ROBO1: variants seen among roughly 807,000 people sequenced by gnomAD.
The protein encoded by ROBO1 is roundabout guidance receptor 1.
A neutral mutation model predicts 195.9 loss-of-function variants in ROBO1; 149 were observed. The ratio of observed to expected loss-of-function variants is 0.76; its 90% CI spans 0.67 to 0.87. The LOEUF (loss-of-function observed/expected upper bound fraction) is 0.87, where lower values mean the gene tolerates loss of function less well. ROBO1 is among the 40% of genes least tolerant of loss of function. The pLI is 0.00. For missense variants in ROBO1, 1,933 were observed against 2,068.3 expected (o/e 0.93, Z 1.27); for synonymous variants, 816 against 733.2 (o/e 1.11, Z -1.82).
Position 78,606,794 on chromosome 3 carries a change from T to G in ROBO1, c.4683A>C (p.Lys1561Asn), listed in dbSNP as rs199657294. Residue 1561 changes from lysine (K) to asparagine (N), a missense_variant, in exon 29 of 31, where the codon AAA becomes AAC. Around this residue, in one of 3 missense-constraint regions of ROBO1, gnomAD observed 1,737 missense variants for 1,882.5 expected, o/e 0.92. Coordinates refer to ENST00000464233, the MANE Select transcript of ROBO1 (RefSeq NM_002941.4). ...GTTTTGCTGCCTTGTTTCCACGTCC[T>G]TTCCCGTCATTTTGCTGTTCCTGTG... is the stretch of plus-strand genomic sequence containing the variant. The part of the protein sequence containing the change: ...REAQEQQNDG[K>N]GRGNKAAKRD... 2.7e-4 allele frequency: 428 copies of G among 1,613,852 alleles called. 1 individual carries two copies. Among genetic ancestry groups the G allele is most frequent in the Non-Finnish European group, 3.5e-4 (416 of 1,179,894 alleles).
At chr3:78,883,023 G>T (rs184069670) in intron 4 of ROBO1, among the ~76,000 whole-genome samples, 2 of 151,894 alleles carry the variant, frequency 1.3e-5, no homozygotes, top group African/African-American at 4.8e-5. Flanking sequence ...ATGTTGGCCA[G>T]GCCGGTCTTG....
chr3:78,771,644 T>C (rs2083378306), intron 4 of ROBO1, among the ~76,000 whole-genome samples: 1 of 152,038 alleles, frequency 6.6e-6, no homozygotes, highest in South Asian at 2.1e-4. Flanking sequence ...GGTATTTTAT[T>C]TGTGTGTGTG....
chr3:79,490,895 T>C (rs938775840), intron 2 of ROBO1, among the ~76,000 whole-genome samples: 1 of 152,148 alleles, frequency 6.6e-6, no homozygotes, highest in Admixed American at 6.5e-5. Context: ...TATTTTTCAC[T>C]GTGACCTACT....
At position 79,701,721 on chromosome 3, in the gene ROBO1, T is replaced by C. The variant is rs1947626824; in HGVS notation, c.-51+66031A>G. Among the ~76,000 whole-genome samples the C allele has an allele frequency of 2.6e-5, 4 of 151,744 alleles. No individual in the cohort carries two copies. The Admixed American group carries it at 2.6e-4, about 10-fold the overall frequency. On this transcript the variant is annotated intron_variant, in intron 1 of 30. Transcript: ENST00000464233. Reference sequence around the variant, plus strand: ...GCAACACATGGATATTGAGTGATTGTCTAGCACCAAGTGAGATGTACATGT... The same window carrying C: ...GCAACACATGGATATTGAGTGATTGCCTAGCACCAAGTGAGATGTACATGT...
At chr3:79,071,444 C>A (rs906151354) in intron 3 of ROBO1, among the ~76,000 whole-genome samples, 15 of 151,404 alleles carry the variant, frequency 9.9e-5, no homozygotes, top group African/African-American at 3.4e-4. Flanking sequence ...AGTTATGACC[C>A]ATTCAAGATT....
intron 3 of ROBO1, among the ~76,000 whole-genome samples, chr3:79,099,239 A>G (rs770997985): frequency 6.6e-6 from 1 of 151,962 alleles, no homozygotes; most frequent in Middle Eastern, 3.4e-3. Context: ...AAATCCTATC[A>G]AATAATTAAA....
rs372306767 is a variant in ROBO1 at position 78,700,254 on chromosome 3, T to A, written c.1046-11482A>T. 8.5e-4 allele frequency among the ~76,000 whole-genome samples: 129 copies of A among 152,316 alleles called. 3 individuals are homozygous for A. The highest frequency in any genetic ancestry group is 1.0e-3 in the South Asian group (5 of 4,828). On this transcript the variant is annotated intron_variant, in intron 8 of 30. Coordinates refer to ENST00000464233, the MANE Select transcript of ROBO1 (RefSeq NM_002941.4). ...CTGATACTATAGATATTTGTGTGTA[T>A]CTCTCTTCTTCGCTAGGTTATAATA...
chr3:78,620,883 A>ATGTGTGTGTGTGTGTGTG lies in ROBO1; in HGVS notation c.3876-2860_3876-2843dup, dbSNP rs199578004. 1.5e-3 allele frequency among the ~76,000 whole-genome samples: 211 copies of ATGTGTGTGTGTGTGTGTG among 144,660 alleles called. 1 individual carries two copies. The highest frequency in any genetic ancestry group is 3.6e-3 in the Middle Eastern group (1 of 278). The allele number at this position is 144,660 out of a possible 152,430, so 94.9% of individuals were successfully genotyped here. A position where few individuals can be genotyped will look rare whatever the true frequency, so the allele number is the denominator to read the frequency against. Reference sequence around the variant, plus strand: ...AAGTGTAAATATATTATATATATATATGTGTGTGTGTGTGTGTGTGTGTAT... The same window carrying ATGTGTGTGTGTGTGTGTG: ...AAGTGTAAATATATTATATATATATATGTGTGTGTGTGTGTGTGTGTGTGTGTGTGTGTGTGTGTGTAT... On this transcript the variant is annotated intron_variant, in intron 26 of 30. Transcript: ENST00000464233.
At chr3:79,035,900 G>A (rs1205155030) in intron 3 of ROBO1, among the ~76,000 whole-genome samples, 2 of 151,992 alleles carry the variant, frequency 1.3e-5, no homozygotes, top group Admixed American at 6.6e-5. Context: ...TTTAACTAAA[G>A]GACTCCACAG....
At chr3:79,434,224 T>C (rs1344845111) in intron 2 of ROBO1, among the ~76,000 whole-genome samples, 5 of 151,978 alleles carry the variant, frequency 3.3e-5, no homozygotes, top group Non-Finnish European at 7.4e-5. Context: ...ATGGGATCTA[T>C]TTAAACTAAA....
chr3:79,528,859 A>G (rs1941539008), intron 2 of ROBO1, among the ~76,000 whole-genome samples: 1 of 152,222 alleles, frequency 6.6e-6, no homozygotes. Flanking sequence ...TCAATATCAT[A>G]AAGAACAAAC....
intron 3 of ROBO1, among the ~76,000 whole-genome samples, chr3:79,091,223 G>C (rs1269195474): frequency 6.6e-6 from 1 of 152,060 alleles, no homozygotes; most frequent in African/African-American, 2.4e-5. Context: ...AAAAAATTGT[G>C]AAAACATCAA....
intron 2 of ROBO1, among the ~76,000 whole-genome samples, chr3:79,395,761 T>C (rs1359570741): frequency 1.3e-5 from 2 of 152,122 alleles, no homozygotes; most frequent in Non-Finnish European, 2.9e-5. Flanking sequence ...AAAACTTTCA[T>C]AAAGACCTCT....
At position 78,917,105 on chromosome 3, in the gene ROBO1, T is replaced by G. The variant is rs189841189; in HGVS notation, c.499+21496A>C. 7.3e-3 allele frequency among the ~76,000 whole-genome samples: 1,096 copies of G among 149,398 alleles called. 12 individuals carry two copies. The highest frequency in any genetic ancestry group is 0.012 in the Non-Finnish European group (832 of 67,158). On this transcript the variant is annotated intron_variant, in intron 4 of 30. Transcript: ENST00000464233. ...AGTTGTTTTTTTGTTTTTCGTTTTT[T>G]TTTTTTTTTTGAGATGGAGTCTTGT...
chr3:78,978,763 G>T (rs1003906093), intron 3 of ROBO1, among the ~76,000 whole-genome samples: 1 of 152,078 alleles, frequency 6.6e-6, no homozygotes, highest in African/African-American at 2.4e-5. Context: ...ATAGATCTTC[G>T]CTCTCAATAA....
intron 3 of ROBO1, among the ~76,000 whole-genome samples, chr3:78,957,053 T>C (rs2041083087): frequency 6.6e-6 from 1 of 152,188 alleles, no homozygotes; most frequent in Admixed American, 6.5e-5. Flanking sequence ...GAAAAATGTG[T>C]AGTTTTTGTT....
At position 78,747,094 on chromosome 3, in the gene ROBO1, A is replaced by G. The variant is rs138728601; in HGVS notation, c.500-194T>C. Among the ~76,000 whole-genome samples, 453 of 152,246 alleles carry G rather than the reference A, an allele frequency of 3.0e-3. 6 individuals are homozygous for G. The highest frequency in any genetic ancestry group is 1.0e-2 in the African/African-American group (415 of 41,540). The stretch of plus-strand genomic sequence containing the variant: ...GATATTTGACCTTAAACATACACAG[A>G]AGGGATAATTTGATATTCTTCAGAG... On this transcript the variant is annotated intron_variant, in intron 4 of 30. Coordinates refer to ENST00000464233, the MANE Select transcript of ROBO1 (RefSeq NM_002941.4).
At chr3:79,470,213 T>C (rs1203888225) in intron 2 of ROBO1, among the ~76,000 whole-genome samples, 1 of 152,128 alleles carries the variant, frequency 6.6e-6, no homozygotes, top group South Asian at 2.1e-4. Context: ...ATATACACCA[T>C]GGAATACTAT....
chr3:79,279,299 A>C (rs1337422867), intron 2 of ROBO1, among the ~76,000 whole-genome samples: 1 of 151,872 alleles, frequency 6.6e-6, no homozygotes, highest in Non-Finnish European at 1.5e-5. Context: ...AAAAACAAAA[A>C]CAACAACAAA....
Sources: gnomAD v4.1 joint callset for allele counts (sites outside exome capture counted in the v4.1 genomes callset) on GRCh38, gnomAD v4.1.1 for gene constraint, gnomAD v4.1.1 regional missense constraint, MANE v1.5 for transcripts, NCBI Gene and HGNC (gene_info 2026-07-23, HGNC 2026-07-21) for gene names.